Variants in RBFOX1 observed in about 807,000 individuals in gnomAD.
RBFOX1 encodes the protein RNA binding fox-1 homolog 1, also known as RNA binding protein fox-1 homolog 1.
In RBFOX1, 8 loss-of-function variants were observed where a neutral mutation model predicts 57.7. The observed-to-expected ratio is 0.14, with a 90% CI of 0.08 to 0.25. The LOEUF (loss-of-function observed/expected upper bound fraction) is 0.25. RBFOX1 is among the 10% of genes least tolerant of loss of function. The pLI, the probability that RBFOX1 is intolerant of heterozygous loss-of-function variation, is 1.00. For missense variants in RBFOX1, 611 were observed against 548.5 expected (o/e 1.11, Z -1.14); for synonymous variants, 326 against 222.4 (o/e 1.47, Z -4.15).
intron 4 of RBFOX1, among the ~76,000 whole-genome samples, chr16:7,094,488 GATAGAATACATC>G (rs1457551218): frequency 1.3e-5 from 2 of 152,128 alleles, no homozygotes; most frequent in African/African-American, 4.8e-5. Context: ...CTGGGGACTG[GATAGAATACATC>G]ATTGCTTTCT....
chr16:7,050,089 A>G (rs2049473675), intron 3 of RBFOX1, among the ~76,000 whole-genome samples: 1 of 151,146 alleles, frequency 6.6e-6, no homozygotes, highest in Non-Finnish European at 1.5e-5. Context: ...ATCTTTTAAC[A>G]GTTTATGGAG....
chr16:6,025,191 G>T (rs775511355), intron 1 of RBFOX1, among the ~76,000 whole-genome samples: 1 of 152,156 alleles, frequency 6.6e-6, no homozygotes, highest in Non-Finnish European at 1.5e-5. Flanking sequence ...TGGCCGGCCG[G>T]CTCTATTTTT....
At chr16:6,680,910 A>G (rs548283462) in intron 3 of RBFOX1, among the ~76,000 whole-genome samples, 110 of 152,370 alleles carry the variant, frequency 7.2e-4, no homozygotes, top group Middle Eastern at 3.4e-3. Flanking sequence ...ATTTATACAA[A>G]GATTACAATA....
chr16:6,132,964 CAAAA>C (rs144051004), intron 1 of RBFOX1, among the ~76,000 whole-genome samples: 1 of 70,204 alleles, frequency 1.4e-5, no homozygotes. Context: ...GACTCTGTCT[CAAAA>C]AAAAAAAAAA....
chr16:6,486,672 G>T (rs79924361), intron 2 of RBFOX1, among the ~76,000 whole-genome samples: 2 of 147,790 alleles, frequency 1.4e-5, no homozygotes, highest in African/African-American at 5.0e-5. Context: ...TTTTTTTTTG[G>T]CATTTTAGAC....
chr16:7,259,757 G>T (rs771944926), intron 4 of RBFOX1, among the ~76,000 whole-genome samples: 8 of 152,056 alleles, frequency 5.3e-5, no homozygotes, highest in Non-Finnish European at 7.4e-5. Flanking sequence ...TTTATCAATA[G>T]CTGGTGAGTT....
chr16:7,228,130 T>C (rs2093267961), intron 4 of RBFOX1, among the ~76,000 whole-genome samples: 2 of 152,104 alleles, frequency 1.3e-5, no homozygotes, highest in Non-Finnish European at 2.9e-5. Flanking sequence ...GTGGCAAAGA[T>C]GAGAGTATCA....
chr16:5,703,892 T>G (rs779571566), intron 3 of RBFOX1, among the ~76,000 whole-genome samples: 1 of 152,208 alleles, frequency 6.6e-6, no homozygotes, highest in Admixed American at 6.5e-5. Flanking sequence ...ACAAAGGTGC[T>G]TAGCATATTC....
At chr16:7,271,196 T>C (rs920579688) in intron 4 of RBFOX1, among the ~76,000 whole-genome samples, 3 of 152,182 alleles carry the variant, frequency 2.0e-5, no homozygotes, top group Non-Finnish European at 4.4e-5. Context: ...GGAGACGGGA[T>C]GCACTTGAGC....
chr16:6,143,335 A>G (rs1026337867), intron 1 of RBFOX1, among the ~76,000 whole-genome samples: 1 of 152,236 alleles, frequency 6.6e-6, no homozygotes, highest in Non-Finnish European at 1.5e-5. Context: ...TTTGTGTACC[A>G]GATGAGAAGT....
rs1250641369 is a variant in RBFOX1 at position 5,471,227 on chromosome 16, G to A, written c.258+3973G>A. ...TTTAGATGCTAAAAAGTTCTTAGTC[G>A]GATGTGAGAAAATGGGAATTCCTAT... is the stretch of plus-strand genomic sequence containing the variant. On this transcript the variant is annotated intron_variant, in intron 2 of 2. Coordinates refer to the RBFOX1 transcript ENST00000585867. Among the ~76,000 whole-genome samples, 4 of 152,178 alleles carry A rather than the reference G, an allele frequency of 2.6e-5. 1 individual carries two copies. Among genetic ancestry groups the A allele is most frequent in the South Asian group, 4.1e-4 (2 of 4,824 alleles).
At chr16:5,253,008 A>C (rs1433740800) in intron 1 of RBFOX1, among the ~76,000 whole-genome samples, 1 of 152,230 alleles carries the variant, frequency 6.6e-6, no homozygotes, top group South Asian at 2.1e-4. Flanking sequence ...TGCCTGATTC[A>C]TCAGCGTGAG....
intron 4 of RBFOX1, among the ~76,000 whole-genome samples, chr16:7,067,951 ATTTTTT>A (rs60401242): frequency 9.9e-5 from 12 of 121,158 alleles, no homozygotes; most frequent in African/African-American, 1.9e-4. Context: ...AGAGGGCGCC[ATTTTTT>A]TTTTTTTTTT....
chr16:7,700,816 T>C (rs1230619595), intron 14 of RBFOX1, among the ~76,000 whole-genome samples: 1 of 151,354 alleles, frequency 6.6e-6, no homozygotes, highest in African/African-American at 2.4e-5. Flanking sequence ...GGTTTCAGAA[T>C]AGGAAGAGGT....
At chr16:5,464,980 G>T (rs766364270) in intron 1 of RBFOX1, among the ~76,000 whole-genome samples, 11 of 152,178 alleles carry the variant, frequency 7.2e-5, no homozygotes, top group African/African-American at 2.7e-4. Flanking sequence ...TGACACAGGG[G>T]TCTGGAGACT....
At chr16:7,315,674 T>A (rs903729838) in intron 4 of RBFOX1, among the ~76,000 whole-genome samples, 17 of 150,844 alleles carry the variant, frequency 1.1e-4, no homozygotes, top group African/African-American at 4.2e-4. Context: ...ATATGGAACA[T>A]TACACACACT....
chr16:5,712,887 C>G (rs1345886442), intron 3 of RBFOX1, among the ~76,000 whole-genome samples: 1 of 152,172 alleles, frequency 6.6e-6, no homozygotes, highest in South Asian at 2.1e-4. Context: ...AGAGTTCACT[C>G]TGTTTTTAAA....
chr16:5,657,648 CTT>C (rs747497058), intron 3 of RBFOX1, among the ~76,000 whole-genome samples: 10 of 137,150 alleles, frequency 7.3e-5, no homozygotes, highest in African/African-American at 5.5e-5. Flanking sequence ...TTCTTTCTTT[CTT>C]TCTTTTCTTT....
chr16:7,466,050 T>C (rs1470943756), intron 4 of RBFOX1, among the ~76,000 whole-genome samples: 1 of 152,188 alleles, frequency 6.6e-6, no homozygotes, highest in Non-Finnish European at 1.5e-5. Context: ...GAGCTTAGGT[T>C]GGAGTAAACC....
Sources: allele counts gnomAD v4.1 joint callset (sites outside exome capture counted in the v4.1 genomes callset), GRCh38; gene constraint gnomAD v4.1.1; transcripts MANE v1.5; gene names NCBI Gene and HGNC (gene_info 2026-07-23, HGNC 2026-07-21).